The following POLD3 variants were observed in gnomAD, a reference collection of about 807,000 sequenced individuals.
The protein encoded by POLD3 is DNA polymerase delta subunit 3.
POLD3 carries 19 observed loss-of-function variants against 58.2 expected under a neutral mutation model. The observed-to-expected ratio is 0.33, with a 90% CI of 0.23 to 0.48. POLD3 has a LOEUF of 0.48. POLD3 is among the 20% of genes least tolerant of loss of function. The probability of loss-of-function intolerance (pLI) is 0.99; values close to 1 mark genes in which losing one functional copy is unlikely to be tolerated. For missense variants in POLD3, 504 were observed against 545.5 expected (o/e 0.92, Z 0.76); for synonymous variants, 172 against 193.5 (o/e 0.89, Z 0.92).
intron 4 of POLD3, among the ~76,000 whole-genome samples, chr11:74,667,503 C>T (rs923199138): frequency 6.6e-6 from 1 of 152,160 alleles, no homozygotes; most frequent in African/African-American, 2.4e-5. Context: ...GCACTCCAAC[C>T]TGGGCGACAG....
intron 8 of POLD3, 195 bp from the exon 9 acceptor site, chr11:74,629,022 T>G (rs917470707): frequency 2.5e-6 from 1 of 400,312 alleles, no homozygotes; most frequent in Non-Finnish European, 4.5e-6. Context: ...TTTATTCAAG[T>G]CACCTCATGA....
intron 4 of POLD3, among the ~76,000 whole-genome samples, chr11:74,648,183 T>C (rs2033024313): frequency 6.6e-6 from 1 of 152,190 alleles, no homozygotes; most frequent in Non-Finnish European, 1.5e-5. Context: ...CAATTGTCAT[T>C]CTCAGGTAGG....
chr11:74,632,183 A>T lies in POLD3; in HGVS notation c.1007-2400A>T, dbSNP rs2032613850. 1.3e-5 allele frequency among the ~76,000 whole-genome samples: 2 copies of T among 152,212 alleles called. 1 individual carries two copies. Among genetic ancestry groups the T allele is most frequent in the South Asian group, 4.1e-4 (2 of 4,832 alleles). The stretch of plus-strand genomic sequence containing the variant: ...TTTTAGGTAAAGGTAGGTATTTTTA[A>T]AAAATAGTCCTAGGAAGCTGTGAAT... On this transcript the variant is annotated intron_variant, in intron 9 of 11. Coordinates refer to ENST00000263681, the MANE Select transcript of POLD3 (RefSeq NM_006591.3).
chr11:74,606,785 A>G (rs1047862628), intron 3 of POLD3, among the ~76,000 whole-genome samples: 20 of 152,238 alleles, frequency 1.3e-4, no homozygotes, highest in Non-Finnish European at 2.4e-4. Context: ...ATGATGTATA[A>G]CCTATAATCA....
intron 2 of POLD3, among the ~76,000 whole-genome samples, chr11:74,600,344 G>T (rs1213177723): frequency 6.6e-6 from 1 of 152,124 alleles, no homozygotes; most frequent in African/African-American, 2.4e-5. Flanking sequence ...TAGCACTTTG[G>T]GAGGCCGAGG....
At chr11:74,597,011 T>C (rs1396451016) in intron 2 of POLD3, among the ~76,000 whole-genome samples, 1 of 152,246 alleles carries the variant, frequency 6.6e-6, no homozygotes, top group Non-Finnish European at 1.5e-5. Flanking sequence ...TAATGGACAT[T>C]TATTGATTCC....
intron 3 of POLD3, among the ~76,000 whole-genome samples, chr11:74,607,487 C>T (rs1399352135): frequency 2.0e-5 from 3 of 150,652 alleles, no homozygotes; most frequent in East Asian, 2.0e-4. Context: ...AGGATGGTCT[C>T]GATCTCCTGA....
chr11:74,651,303 C>T (rs970308477), intron 4 of POLD3, among the ~76,000 whole-genome samples: 2 of 152,210 alleles, frequency 1.3e-5, no homozygotes, highest in South Asian at 4.1e-4. Flanking sequence ...ATTCTCTTCT[C>T]TGGGCTTCAG....
intron 4 of POLD3, among the ~76,000 whole-genome samples, chr11:74,668,121 A>G (rs1944935): frequency 0.84 from 128,554 of 152,186 alleles, 54,702 homozygotes; most frequent in Middle Eastern, 0.95. Context: ...CTTCATCCAC[A>G]GCTGGTGGGA....
rs1476456667 is a variant in POLD3, at chr11:74,625,511, A to G, written c.837A>G (p.Ala279=). ...SVTEPKLATP[A]GLKKSSKKAE... ...CGGAACCAAAGCTGGCAACTCCTGC[A>G]GGCCTGAAAAAATCCAGCAAAAAAG... The change falls in exon 8 of 12, where the codon GCA becomes GCG. Residue 279 remains alanine (A), a synonymous_variant. Transcript: ENST00000263681. The G allele has an allele frequency of 6.2e-7, 1 of 1,614,016 alleles. No individual in the cohort carries two copies. Among genetic ancestry groups the G allele is most frequent in the African/African-American group, 1.3e-5 (1 of 75,026 alleles).
intron 9 of POLD3, among the ~76,000 whole-genome samples, chr11:74,632,100 C>T (rs1194918297): frequency 6.6e-6 from 1 of 152,104 alleles, no homozygotes; most frequent in Non-Finnish European, 1.5e-5. Flanking sequence ...TAAGTCTTTG[C>T]TAATATTTTC....
chr11:74,622,755 ATG>A (rs2032305055), intron 7 of POLD3, among the ~76,000 whole-genome samples: 1 of 152,196 alleles, frequency 6.6e-6, no homozygotes, highest in Non-Finnish European at 1.5e-5. Context: ...ATGTAAAATG[ATG>A]TGTACTCACT....
At chr11:74,618,843 G>T in intron 6 of POLD3, 39 bp downstream of exon 6, 1 of 1,547,576 alleles carries the variant, frequency 6.5e-7, no homozygotes, top group South Asian at 1.2e-5. Flanking sequence ...TTGCAGCTCA[G>T]AGTGGGTAAC....
intron 5 of POLD3, among the ~76,000 whole-genome samples, chr11:74,613,766 A>G (rs1382950073): frequency 6.6e-6 from 1 of 152,208 alleles, no homozygotes; most frequent in East Asian, 1.9e-4. Flanking sequence ...TACAGTATAG[A>G]GTGAATGTGC....
chr11:74,613,040 CT>C (rs1266026264), intron 5 of POLD3, 30 bp downstream of exon 5: 2 of 1,588,986 alleles, frequency 1.3e-6, no homozygotes, highest in South Asian at 2.3e-5. Context: ...TTGTGGGCTT[CT>C]TTACGAATTG....
At chr11:74,595,705 T>C (rs997871252) in intron 2 of POLD3, among the ~76,000 whole-genome samples, 3 of 152,102 alleles carry the variant, frequency 2.0e-5, no homozygotes, top group African/African-American at 7.2e-5. Flanking sequence ...CAGCCTTGAC[T>C]TCCCTGGGCT....
intron 6 of POLD3, among the ~76,000 whole-genome samples, chr11:74,619,070 C>T (rs2032169972): frequency 2.6e-5 from 4 of 152,140 alleles, no homozygotes. Context: ...TTGTGAAACC[C>T]AGATGAAAAC....
chr11:74,632,622 T>C (rs1293986914), intron 9 of POLD3, among the ~76,000 whole-genome samples: 5 of 152,200 alleles, frequency 3.3e-5, no homozygotes, highest in Admixed American at 2.6e-4. Context: ...CTGATGCTTC[T>C]TTTGTCAACT....
intron 4 of POLD3, among the ~76,000 whole-genome samples, chr11:74,654,795 C>T (rs972814016): frequency 2.6e-5 from 4 of 151,902 alleles, no homozygotes; most frequent in Admixed American, 1.3e-4. Context: ...ACTGCATGCC[C>T]GGGGTATTGA....
Sources: gnomAD v4.1 joint callset for allele counts (sites outside exome capture counted in the v4.1 genomes callset) on GRCh38, gnomAD v4.1.1 for gene constraint, MANE v1.5 for transcripts, NCBI Gene and HGNC (gene_info 2026-07-23, HGNC 2026-07-21) for gene names.